IARS1: variants seen among roughly 807,000 people sequenced by gnomAD.
IARS1 encodes the protein isoleucyl-tRNA synthetase 1.
IARS1 carries 124 observed loss-of-function variants against 168.2 expected under a neutral mutation model. The ratio of observed to expected loss-of-function variants is 0.74; its 90% CI spans 0.64 to 0.86. The LOEUF (loss-of-function observed/expected upper bound fraction) is 0.86, where lower values mean the gene tolerates loss of function less well. IARS1 is among the 40% of genes least tolerant of loss of function. IARS1 has a pLI of 0.00. For missense variants in IARS1, 1,452 were observed against 1,515.8 expected (o/e 0.96, Z 0.70); for synonymous variants, 532 against 529.4 (o/e 1.00, Z -0.07).
At chr9:92,220,886 C>T (rs1839572503) in intron 33 of IARS1, among the ~76,000 whole-genome samples, 2 of 152,072 alleles carry the variant, frequency 1.3e-5, no homozygotes, top group Admixed American at 6.6e-5. Context: ...ATCGCTGGAT[C>T]CCAGGAGTTT....
chr9:92,222,361 A>AAAAAG (rs1564156018), intron 33 of IARS1, among the ~76,000 whole-genome samples, 159 bp downstream of exon 33: 38 of 150,012 alleles, frequency 2.5e-4, no homozygotes, highest in Non-Finnish European at 4.7e-4. Context: ...AAAAAAAAAA[A>AAAAAG]AAAAGAAAAG....
Position 92,245,018 on chromosome 9 carries a change from A to T in IARS1, c.2845T>A (p.Tyr949Asn), listed in dbSNP as rs1287195866. The change falls in exon 27 of 34, where the codon TAC (tyrosine) becomes AAC (asparagine). Residue 949 changes from tyrosine to asparagine, a missense_variant. By Grantham distance (143) the Tyr-to-Asn change is moderately radical. Coordinates refer to ENST00000443024, the MANE Select transcript of IARS1 (RefSeq NM_002161.6). ...CCACCTGTGGCCTGATCAAAGGTGT[A>T]CATGAGGCGGATGTCTTCATCGTGC... ...ELHDEDIRLM[Y>N]TFDQATGGTA... 1.2e-6 allele frequency: 2 copies of T among 1,614,110 alleles called. No individual in the cohort carries two copies. The highest frequency in any genetic ancestry group is 1.7e-6 in the Non-Finnish European group (2 of 1,180,036).
intron 26 of IARS1, 126 bp from the exon 27 acceptor site, chr9:92,245,197 C>A (rs762855662): frequency 4.2e-6 from 3 of 719,134 alleles, no homozygotes; most frequent in Non-Finnish European, 7.3e-6. Flanking sequence ...TTCAAGAGAT[C>A]ATTTCCCTCT....
At chr9:92,274,638 G>A in intron 9 of IARS1, 117 bp from the exon 10 acceptor site, 1 of 644,470 alleles carries the variant, frequency 1.6e-6, no homozygotes. Context: ...ATTATTTTCA[G>A]AAATAGAAAA....
intron 20 of IARS1, 49 bp from the exon 21 acceptor site, chr9:92,253,502 T>C (rs776456960): frequency 8.2e-7 from 1 of 1,218,454 alleles, no homozygotes; most frequent in Non-Finnish European, 1.2e-6. Flanking sequence ...ACCAGGCATC[T>C]GGGGTGGGGA....
intron 6 of IARS1, among the ~76,000 whole-genome samples, chr9:92,284,074 G>A (rs1835058316): frequency 6.6e-6 from 1 of 152,070 alleles, no homozygotes; most frequent in Admixed American, 6.5e-5. Flanking sequence ...GCTACTCAGG[G>A]GGCTGAAAGG....
chr9:92,287,438 C>G (rs1374167023), intron 4 of IARS1: 1 of 157,282 alleles, frequency 6.4e-6, no homozygotes, highest in Non-Finnish European at 1.4e-5. Context: ...GGGAACCCAT[C>G]ATACTACTTT....
intron 33 of IARS1, among the ~76,000 whole-genome samples, chr9:92,215,123 C>A (rs185922537): frequency 2.2e-3 from 340 of 152,312 alleles, no homozygotes; most frequent in African/African-American, 8.0e-3. Flanking sequence ...CCCTGACCCC[C>A]GAGCAGCCTA....
chr9:92,222,740 A>G, intron 32 of IARS1, 68 bp from the exon 33 acceptor site: 1 of 1,543,846 alleles, frequency 6.5e-7, no homozygotes, highest in Non-Finnish European at 8.9e-7. Context: ...AGAGGTGGCC[A>G]CTGCGGACAG....
At chr9:92,212,984 G>C (rs1370316194) in intron 33 of IARS1, among the ~76,000 whole-genome samples, 1 of 152,070 alleles carries the variant, frequency 6.6e-6, no homozygotes, top group African/African-American at 2.4e-5. Context: ...GGATGATGAG[G>C]CCCAATGATG....
At chr9:92,234,197 G>GT (rs369203357) in intron 30 of IARS1, among the ~76,000 whole-genome samples, 4 of 152,148 alleles carry the variant, frequency 2.6e-5, no homozygotes, top group African/African-American at 9.6e-5. Flanking sequence ...TGACTCAAAA[G>GT]TTTTTTTCTT....
rs113766150 is a variant in IARS1 at position 92,280,998 on chromosome 9, A to T, written c.598-105T>A. The T allele has an allele frequency of 2.1e-3, 1,356 of 653,844 alleles. 12 individuals are homozygous for T. In the African/African-American group the frequency reaches 0.022, roughly 10 times the overall value. 40.5% of individuals were successfully genotyped at this position (653,844 alleles called of 1,614,324 possible). A position where few individuals can be genotyped will look rare whatever the true frequency, so the allele number is the denominator to read the frequency against. ...GGAATAAAATAAATCTTCAGGGTAA[A>T]CCGAAGAAACCACTTACCAGACTTA... is the stretch of plus-strand genomic sequence containing the variant. On this transcript the variant is annotated intron_variant, in intron 6 of 33. Transcript: ENST00000443024.
intron 31 of IARS1, among the ~76,000 whole-genome samples, chr9:92,228,132 G>A (rs1243066032): frequency 6.6e-6 from 1 of 152,110 alleles, no homozygotes; most frequent in African/African-American, 2.4e-5. Context: ...TTAGGAGCTG[G>A]AGACCAGCCC....
In IARS1 at chr9:92,269,911, G is replaced by A. The variant is rs1832777417; in HGVS notation, c.1278C>T (p.Leu426=). 6.2e-7 allele frequency: 1 copy of A among 1,613,186 alleles called. No individual in the cohort carries two copies. Among genetic ancestry groups the A allele is most frequent in the Non-Finnish European group, 8.5e-7 (1 of 1,179,370 alleles). The change falls in exon 13 of 34, where the codon CTC becomes CTT. Residue 426 remains leucine, a synonymous_variant. Transcript: ENST00000443024. Reference sequence around the variant, plus strand: ...AGTAGCACAGGTCATTGTTCCTTAGGAGCTGGTCCACCATGTTCTCCACTC... The same window carrying A: ...AGTAGCACAGGTCATTGTTCCTTAGAAGCTGGTCCACCATGTTCTCCACTC... The part of the protein sequence containing the change: ...FVRVENMVDQ[L]LRNNDLCYWV...
At chr9:92,251,758 G>A (rs774825611) in intron 22 of IARS1, 50 bp downstream of exon 22, 2 of 1,340,400 alleles carry the variant, frequency 1.5e-6, no homozygotes, top group Non-Finnish European at 2.1e-6. Flanking sequence ...AGTAGGTGCT[G>A]AAGGCAGCCC....
At chr9:92,253,091 T>C (rs1472421878) in intron 21 of IARS1, among the ~76,000 whole-genome samples, 2 of 152,228 alleles carry the variant, frequency 1.3e-5, no homozygotes, top group African/African-American at 2.4e-5. Context: ...CTGCTCAGTG[T>C]AGTCCTGTTT....
chr9:92,273,225 T>C (rs1013276012), intron 10 of IARS1, among the ~76,000 whole-genome samples: 1 of 152,034 alleles, frequency 6.6e-6, no homozygotes, highest in South Asian at 2.1e-4. Context: ...TACCAGTTAA[T>C]TGACCCTAAA....
intron 18 of IARS1, 48 bp from the exon 19 acceptor site, chr9:92,259,046 C>T (rs752138865): frequency 6.8e-7 from 1 of 1,478,550 alleles, no homozygotes; most frequent in South Asian, 1.3e-5. Context: ...AGACAGTAAA[C>T]CAATTATTAC....
Position 92,244,893 on chromosome 9 carries a change from C to A in IARS1, c.2904+66G>T, listed in dbSNP as rs1828953224. 2.2e-5 allele frequency: 28 copies of A among 1,291,648 alleles called. No individual in the cohort carries two copies. The South Asian group carries it at 2.9e-4, about 13-fold the overall frequency. 80.0% of individuals were successfully genotyped at this position (1,291,648 alleles called of 1,614,324 possible). A position where few individuals can be genotyped will look rare whatever the true frequency, so the allele number is the denominator to read the frequency against. ...TCAACATTATCAGGAAAGGCACAGG[C>A]AAATACTTTCTCCTCTTATGCTCTC... On this transcript the variant is annotated intron_variant, in intron 27 of 33. Coordinates refer to ENST00000443024, the MANE Select transcript of IARS1 (RefSeq NM_002161.6).
Sources: gnomAD v4.1 joint callset for allele counts (sites outside exome capture counted in the v4.1 genomes callset) on GRCh38, gnomAD v4.1.1 for gene constraint, MANE v1.5 for transcripts, NCBI Gene and HGNC (gene_info 2026-07-23, HGNC 2026-07-21) for gene names.